Variants in KCNH8 observed in about 807,000 individuals in gnomAD.
KCNH8 encodes the protein voltage-gated delayed rectifier potassium channel KCNH8.
KCNH8 carries 70 observed loss-of-function variants against 103.6 expected under a neutral mutation model. The ratio of observed to expected loss-of-function variants is 0.68; its 90% CI spans 0.56 to 0.82. The LOEUF (loss-of-function observed/expected upper bound fraction) is 0.82, where lower values mean the gene tolerates loss of function less well. Ranked by LOEUF, KCNH8 falls within the 40% of genes least tolerant of loss-of-function variation. The pLI, the probability that KCNH8 is intolerant of heterozygous loss-of-function variation, is 0.00. For missense variants in KCNH8, 1,217 were observed against 1,329.9 expected (o/e 0.92, Z 1.32); for synonymous variants, 498 against 489.4 (o/e 1.02, Z -0.23).
intron 10 of KCNH8, among the ~76,000 whole-genome samples, chr3:19,455,412 A>G (rs969916542): frequency 6.6e-6 from 1 of 152,120 alleles, no homozygotes; most frequent in African/African-American, 2.4e-5. Context: ...ATGTTTTTCA[A>G]TGAAAGAGTA....
intron 11 of KCNH8, among the ~76,000 whole-genome samples, chr3:19,469,955 G>A (rs998166437): frequency 6.6e-5 from 10 of 152,130 alleles, no homozygotes; most frequent in African/African-American, 2.2e-4. Context: ...CCAAGGTCAT[G>A]TTCCCTTGTA....
intron 1 of KCNH8, among the ~76,000 whole-genome samples, chr3:19,241,607 G>A (rs1429462829): frequency 1.3e-5 from 2 of 152,052 alleles, no homozygotes; most frequent in African/African-American, 4.8e-5. Context: ...TGCAGATTAG[G>A]TGGCTTCCAT....
chr3:19,509,352 G>C (rs1193152233), intron 11 of KCNH8, among the ~76,000 whole-genome samples: 1 of 152,056 alleles, frequency 6.6e-6, no homozygotes, highest in African/African-American at 2.4e-5. Flanking sequence ...TGGCTTACTA[G>C]GCAGATCATT....
At chr3:19,324,297 G>A (rs996415588) in intron 3 of KCNH8, among the ~76,000 whole-genome samples, 4 of 152,114 alleles carry the variant, frequency 2.6e-5, no homozygotes, top group Non-Finnish European at 4.4e-5. Context: ...GAGGCCTCGG[G>A]AAACTTACAA....
intron 2 of KCNH8, among the ~76,000 whole-genome samples, chr3:19,269,046 A>C (rs1319437443): frequency 1.3e-5 from 2 of 152,132 alleles, no homozygotes; most frequent in East Asian, 3.9e-4. Context: ...CTGTTTTGAG[A>C]TTAGAGAAGA....
At chr3:19,176,880 G>T (rs1006530339) in intron 1 of KCNH8, among the ~76,000 whole-genome samples, 2 of 152,018 alleles carry the variant, frequency 1.3e-5, no homozygotes, top group African/African-American at 4.8e-5. Context: ...TGAGCCTCTG[G>T]TCACAATAAT....
chr3:19,189,395 A>C (rs1014508162), intron 1 of KCNH8, among the ~76,000 whole-genome samples: 6 of 151,932 alleles, frequency 3.9e-5, no homozygotes, highest in Admixed American at 3.9e-4. Flanking sequence ...ATTTATTTTA[A>C]TTATTTATAA....
At chr3:19,153,102 A>G (rs1276062251) in intron 1 of KCNH8, among the ~76,000 whole-genome samples, 1 of 152,306 alleles carries the variant, frequency 6.6e-6, no homozygotes, top group African/African-American at 2.4e-5. Flanking sequence ...ACCCATTATC[A>G]TACTCTTGAC....
intron 5 of KCNH8, among the ~76,000 whole-genome samples, chr3:19,358,765 C>T (rs1025143193): frequency 1.3e-5 from 2 of 151,776 alleles, no homozygotes; most frequent in African/African-American, 2.4e-5. Flanking sequence ...CAGTGTGTCA[C>T]CTTTTAACAT....
Position 19,456,927 on chromosome 3 carries a change from T to C in KCNH8, c.1985T>C (p.Val662Ala). The C allele has an allele frequency of 6.2e-7, 1 of 1,612,588 alleles. No individual in the cohort carries two copies. Among genetic ancestry groups the C allele is most frequent in the Non-Finnish European group, 8.5e-7 (1 of 1,179,056 alleles). Residue 662 changes from valine (V) to alanine (A), a missense_variant, in exon 11 of 16, where the codon GTG becomes GCG. Val to Ala is a moderately conservative substitution (Grantham distance 64, BLOSUM62 0). Around this residue, in one of 3 missense-constraint regions of KCNH8, gnomAD observed 415 missense variants for 577.4 expected, o/e 0.72. Transcript: ENST00000328405. Reference sequence around the variant, plus strand: ...TACCCAGAATATGCTCACAAATTCGTGGAAGACATTCAGCATGACCTCACA... The same window carrying C: ...TACCCAGAATATGCTCACAAATTCGCGGAAGACATTCAGCATGACCTCACA... ...DLYPEYAHKF[V>A]EDIQHDLTYN...
chr3:19,487,994 C>G (rs1442789774), intron 11 of KCNH8, among the ~76,000 whole-genome samples: 2 of 152,154 alleles, frequency 1.3e-5, no homozygotes, highest in Non-Finnish European at 2.9e-5. Context: ...ATGTTCAGCA[C>G]CAGTATTGAC....
intron 8 of KCNH8, among the ~76,000 whole-genome samples, chr3:19,444,510 T>G (rs1344426781): frequency 6.6e-6 from 1 of 151,948 alleles, no homozygotes; most frequent in East Asian, 1.9e-4. Context: ...TAAATTGAAC[T>G]GCAGAACTTC....
In KCNH8 at chr3:19,213,797, G is replaced by A. The variant is rs145727529; in HGVS notation, c.77-39857G>A. Among the ~76,000 whole-genome samples the A allele has an allele frequency of 3.3e-4, 51 of 152,268 alleles. No individual in the cohort carries two copies. The East Asian group carries it at 9.5e-3, about 28-fold the overall frequency. The stretch of plus-strand genomic sequence containing the variant: ...CTAGAGGGACAATAGAGGAGGAAAA[G>A]GCTTTGCAGGCTTTTTCAGAATGGT... On this transcript the variant is annotated intron_variant, in intron 1 of 15. Transcript: ENST00000328405.
chr3:19,378,205 G>A (rs1334939535), intron 5 of KCNH8, among the ~76,000 whole-genome samples: 1 of 152,074 alleles, frequency 6.6e-6, no homozygotes, highest in Non-Finnish European at 1.5e-5. Flanking sequence ...AATTTTATGG[G>A]CAAACCATAA....
chr3:19,393,978 G>A (rs543138212), intron 6 of KCNH8, among the ~76,000 whole-genome samples: 3 of 152,088 alleles, frequency 2.0e-5, no homozygotes, highest in African/African-American at 7.2e-5. Context: ...ACTGTTCTAG[G>A]TATGTTTTTC....
intron 3 of KCNH8, among the ~76,000 whole-genome samples, chr3:19,338,238 A>G (rs2065611651): frequency 6.6e-6 from 1 of 151,788 alleles, no homozygotes; most frequent in Non-Finnish European, 1.5e-5. Context: ...ATCATATACT[A>G]ACTCTTCTGG....
At chr3:19,303,219 G>A (rs1237960280) in intron 3 of KCNH8, among the ~76,000 whole-genome samples, 1 of 152,128 alleles carries the variant, frequency 6.6e-6, no homozygotes, top group African/African-American at 2.4e-5. Flanking sequence ...TTAATGCAGA[G>A]TGAAGTTTAT....
chr3:19,334,507 T>A (rs1031605156), intron 3 of KCNH8, among the ~76,000 whole-genome samples: 2 of 152,064 alleles, frequency 1.3e-5, no homozygotes, highest in Admixed American at 1.3e-4. Context: ...TTAATAATGA[T>A]TACATATATA....
rs929945143 is a variant in KCNH8 at position 19,534,736 on chromosome 3, A to G, written c.*637A>G. ...GTATTTAAACTATTTAAATATTTAT[A>G]AAGAAATGAATGTTTTCTTTTCATT... On this transcript the variant is annotated 3_prime_UTR_variant, in exon 16 of 16. Coordinates refer to ENST00000328405, the MANE Select transcript of KCNH8 (RefSeq NM_144633.3). 3 of 152,632 alleles carry G rather than the reference A, an allele frequency of 2.0e-5. No homozygotes were observed. The highest frequency in any genetic ancestry group is 7.2e-5 in the African/African-American group (3 of 41,458). The allele number at this position is 152,632 out of a possible 1,614,324, so 9.5% of individuals were successfully genotyped here. A position where few individuals can be genotyped will look rare whatever the true frequency, so the allele number is the denominator to read the frequency against.
Sources: allele counts gnomAD v4.1 joint callset (sites outside exome capture counted in the v4.1 genomes callset), GRCh38; gene constraint gnomAD v4.1.1; regional missense constraint gnomAD v4.1.1; transcripts MANE v1.5; gene names NCBI Gene and HGNC (gene_info 2026-07-23, HGNC 2026-07-21).